Variants in GPC2 observed in about 807,000 individuals in gnomAD.
GPC2 encodes glypican 2.
In GPC2, 42 loss-of-function variants were observed where a neutral mutation model predicts 57.3. The observed-to-expected ratio is 0.73, with a 90% CI of 0.57 to 0.95. GPC2 has a LOEUF of 0.95. GPC2 is among the 40% of genes least tolerant of loss of function. The pLI is 0.00. For synonymous variants in GPC2, 364 were observed against 343.4 expected, an observed-to-expected ratio of 1.06 and a Z score of -0.66; for missense variants, 745 against 793.6, an observed-to-expected ratio of 0.94 and a Z score of 0.74.
intron 3 of GPC2, among the ~76,000 whole-genome samples, 184 bp from the exon 4 acceptor site, chr7:100,174,949 G>GA (rs1799242388): frequency 6.6e-6 from 1 of 151,898 alleles, no homozygotes; most frequent in Non-Finnish European, 1.5e-5. Flanking sequence ...TAGTCTTAAA[G>GA]AAAAACAAAG....
In GPC2 at chr7:100,170,034, A is replaced by T. The variant is rs1799149971; in HGVS notation, c.*196T>A. ...ACCCCCAGGCCCCCCTCCCATTACC[A>T]AATGAAAAAATAAATATTGTGAACA... is the stretch of plus-strand genomic sequence containing the variant. On this transcript the variant is annotated 3_prime_UTR_variant, in exon 10 of 10. Coordinates refer to ENST00000292377, the MANE Select transcript of GPC2 (RefSeq NM_152742.3). 4.8e-6 allele frequency: 2 copies of T among 414,048 alleles called. No individual in the cohort carries two copies. The highest frequency in any genetic ancestry group is 8.5e-6 in the Non-Finnish European group (2 of 234,354). The allele number at this position is 414,048 out of a possible 1,614,324, so 25.6% of individuals were successfully genotyped here.
chr7:100,174,001 G>C lies in GPC2; in HGVS notation c.730-4C>G. ...TGCAGCCTTCAGACACCGGCACCTG[G>C]GGGCAGAGAGTGGGGCTGTGTCCTC... On this transcript the variant is annotated splice_polypyrimidine_tract_variant and splice_region_variant and intron_variant, in intron 4 of 9. Transcript: ENST00000292377. 1 of 1,566,766 alleles carries C rather than the reference G, an allele frequency of 6.4e-7. No individual in the cohort carries two copies. Among genetic ancestry groups the C allele is most frequent in the Non-Finnish European group, 8.6e-7 (1 of 1,157,030 alleles).
At position 100,170,318 on chromosome 7, in the gene GPC2, C is replaced by G. The variant is rs2116980193; in HGVS notation, c.1652G>C (p.Ser551Thr). Residue 551 changes from serine (S) to threonine (T), a missense_variant, in exon 10 of 10, where the codon AGC (serine) becomes ACC (threonine). Physicochemically the swap from Ser to Thr is moderately conservative, Grantham distance 58. Around this residue, in one of 2 missense-constraint regions of GPC2, gnomAD observed 607 missense variants for 603.9 expected, o/e 1.01. Coordinates refer to ENST00000292377, the MANE Select transcript of GPC2 (RefSeq NM_152742.3). ...GGSARYNQGR[S>T]RSGGASIGFH... Reference sequence around the variant, plus strand: ...ACCAATAGATGCCCCCCCACTCCTGCTCCGGCCCTGGTTGTAGCGGGCACT... The same window carrying G: ...ACCAATAGATGCCCCCCCACTCCTGGTCCGGCCCTGGTTGTAGCGGGCACT... 2 of 1,611,456 alleles carry G rather than the reference C, an allele frequency of 1.2e-6. No individual in the cohort carries two copies. Among genetic ancestry groups the G allele is most frequent in the Non-Finnish European group, 1.7e-6 (2 of 1,178,948 alleles).
chr7:100,172,235 AAGAG>A lies in GPC2; in HGVS notation c.893-22_893-19del. 3 of 1,613,176 alleles carry A rather than the reference AAGAG, an allele frequency of 1.9e-6. No individual in the cohort carries two copies. Among genetic ancestry groups the A allele is most frequent in the Middle Eastern group, 1.7e-4 (1 of 6,058 alleles). On this transcript the variant is annotated intron_variant, in intron 5 of 9. Coordinates refer to ENST00000292377, the MANE Select transcript of GPC2 (RefSeq NM_152742.3). ...GAGACCATCTTAAGGGAGGGAGAGA[AAGAG>A]AAAGGATGGGATGAGTGGTGATACT... is the stretch of plus-strand genomic sequence containing the variant.
intron 9 of GPC2, 93 bp from the exon 10 acceptor site, chr7:100,170,576 G>A (rs1799161153): frequency 1.6e-6 from 2 of 1,213,350 alleles, no homozygotes; most frequent in East Asian, 5.7e-5. Flanking sequence ...CAGAAAGAGA[G>A]AGGAAAGGGA....
rs1799331498 is a variant in GPC2, at chr7:100,177,357, C to T, written c.-158G>A. ...TACCGAGCACGATAGCTGGACCAGGCGGCATCTGCCGAGACAATGGGAGCG... is the reference window on the plus strand; with the variant it reads ...TACCGAGCACGATAGCTGGACCAGGTGGCATCTGCCGAGACAATGGGAGCG... On this transcript the variant is annotated 5_prime_UTR_variant, in exon 1 of 10. Transcript: ENST00000292377. 3.4e-6 allele frequency: 2 copies of T among 590,936 alleles called. No individual in the cohort carries two copies. The highest frequency in any genetic ancestry group is 3.4e-5 in the East Asian group (1 of 29,448). 36.6% of individuals were successfully genotyped at this position (590,936 alleles called of 1,614,324 possible).
intron 1 of GPC2, 49 bp downstream of exon 1, chr7:100,176,985 C>T (rs1799305944): frequency 2.3e-6 from 1 of 432,528 alleles, no homozygotes; most frequent in Admixed American, 4.5e-5. Flanking sequence ...GAGGAGGCCC[C>T]GCCCCCGCCC....
chr7:100,173,894 T>G lies in GPC2; in HGVS notation c.833A>C (p.Asn278Thr). The G allele has an allele frequency of 5.6e-6, 9 of 1,604,730 alleles. No homozygotes were observed. The highest frequency in any genetic ancestry group is 7.7e-6 in the Non-Finnish European group (9 of 1,175,744). The change falls in exon 5 of 10, where the codon AAC (asparagine) becomes ACC (threonine). Residue 278 changes from asparagine (N) to threonine (T), a missense_variant. Asn to Thr is a moderately conservative substitution (Grantham distance 65). This residue lies in a region of GPC2 where 607 missense variants were observed against 603.9 expected (regional missense o/e 1.01). Transcript: ENST00000292377. Reference sequence around the variant, plus strand: ...GCTGCTGAGACAGCCACGAACCACGTTGAGGCAGAAGCCCTGGCAGGGCAT... The same window carrying G: ...GCTGCTGAGACAGCCACGAACCACGGTGAGGCAGAAGCCCTGGCAGGGCAT... ...SLMPCQGFCLNVVRGCLSSRG... is the reference protein window; with the variant it reads ...SLMPCQGFCLTVVRGCLSSRG...
At chr7:100,175,031 A>G (rs1398997443) in intron 3 of GPC2, among the ~76,000 whole-genome samples, 1 of 152,216 alleles carries the variant, frequency 6.6e-6, no homozygotes, top group Non-Finnish European at 1.5e-5. Flanking sequence ...TATCGGAACT[A>G]ACACTGAACT....
Position 100,176,228 on chromosome 7 carries a change from C to T in GPC2, c.304G>A (p.Ala102Thr), listed in dbSNP as rs767801145. The change falls in exon 2 of 10, where the codon GCC becomes ACC. Residue 102 changes from alanine to threonine, a missense_variant. By Grantham distance (58) the Ala-to-Thr change is moderately conservative (BLOSUM62 0). Around this residue, in one of 2 missense-constraint regions of GPC2, gnomAD observed 138 missense variants for 189.8 expected, o/e 0.73. Coordinates refer to ENST00000292377, the MANE Select transcript of GPC2 (RefSeq NM_152742.3). ...TCACCATCAAATTTTCTGTGCCTGG[C>T]AGCCAGTGTGTGAACCAGAAAGGAG... Reference protein sequence around the residue: ...SGSFLVHTLAARHRKFDEFFL... With the variant: ...SGSFLVHTLATRHRKFDEFFL... 1 of 1,611,346 alleles carries T rather than the reference C, an allele frequency of 6.2e-7. No homozygotes were observed. Among genetic ancestry groups the T allele is most frequent in the African/African-American group, 1.3e-5 (1 of 74,810 alleles).
Position 100,177,358 on chromosome 7 carries a change from G to T in GPC2, c.-159C>A, listed in dbSNP as rs1248762204. 1 of 595,292 alleles carries T rather than the reference G, an allele frequency of 1.7e-6. No individual in the cohort carries two copies. The allele number at this position is 595,292 out of a possible 1,614,324, so 36.9% of individuals were successfully genotyped here. On this transcript the variant is annotated 5_prime_UTR_variant, in exon 1 of 10. Transcript: ENST00000292377. ...ACCGAGCACGATAGCTGGACCAGGC[G>T]GCATCTGCCGAGACAATGGGAGCGG...
chr7:100,176,994 C>G, intron 1 of GPC2, 40 bp downstream of exon 1: 1 of 292,630 alleles, frequency 3.4e-6, no homozygotes, highest in Non-Finnish European at 6.7e-6. Flanking sequence ...CCGCCCCCGC[C>G]CCCCACCCCC....
chr7:100,175,873 G>A lies in GPC2; in HGVS notation c.347C>T (p.Ser116Leu), dbSNP rs577997658. The change falls in exon 3 of 10, where the codon TCA becomes TTA. Residue 116 changes from serine (S) to leucine (L), a missense_variant. Around this residue, in one of 2 missense-constraint regions of GPC2, gnomAD observed 138 missense variants for 189.8 expected, o/e 0.73. Transcript: ENST00000292377. ...CTGGGTCAGAGAGTGCTGGGCTACT[G>A]AGAGCATCTCCAGAAAAAACTCTGC... is the stretch of plus-strand genomic sequence containing the variant. ...KFDEFFLEMLSVAQHSLTQLF... is the reference protein window; with the variant it reads ...KFDEFFLEMLLVAQHSLTQLF... The A allele has an allele frequency of 6.2e-7, 1 of 1,613,728 alleles. No individual in the cohort carries two copies. The highest frequency in any genetic ancestry group is 2.2e-5 in the East Asian group (1 of 44,874).
chr7:100,172,844 G>C (rs1472660492), intron 5 of GPC2, among the ~76,000 whole-genome samples: 2 of 147,324 alleles, frequency 1.4e-5, no homozygotes, highest in Non-Finnish European at 3.0e-5. Flanking sequence ...TTTTTTTCCG[G>C]TAGAGAAGGG....
Position 100,171,865 on chromosome 7 carries a change from G to T in GPC2, c.1084C>A (p.Pro362Thr). The change falls in exon 7 of 10, where the codon CCC becomes ACC. Residue 362 changes from proline (P) to threonine (T), a missense_variant. Coordinates refer to ENST00000292377, the MANE Select transcript of GPC2 (RefSeq NM_152742.3). The surrounding 1 kb of genome is among the most constrained non-coding windows in gnomAD (Gnocchi z 4.8). ...VPARNRRAPPPREEAGRLWSM... is the reference protein window; with the variant it reads ...VPARNRRAPPTREEAGRLWSM... ...CACAGCCGGCCCGCCTCTTCCCGGGGCGGCGGGGCTCGACGGTTGCGGGCA... is the reference window on the plus strand; with the variant it reads ...CACAGCCGGCCCGCCTCTTCCCGGGTCGGCGGGGCTCGACGGTTGCGGGCA... The T allele has an allele frequency of 6.5e-7, 1 of 1,543,424 alleles. No individual in the cohort carries two copies. The highest frequency in any genetic ancestry group is 8.7e-7 in the Non-Finnish European group (1 of 1,152,770).
At position 100,171,678 on chromosome 7, in the gene GPC2, C is replaced by A; in HGVS notation, c.1171G>T (p.Val391Leu). The change falls in exon 8 of 10, where the codon GTG becomes TTG. Residue 391 changes from valine (V) to leucine (L), a missense_variant and splice_region_variant. By Grantham distance (32) the Val-to-Leu change is conservative. Coordinates refer to ENST00000292377, the MANE Select transcript of GPC2 (RefSeq NM_152742.3). The surrounding 1 kb of genome is among the most constrained non-coding windows in gnomAD (Gnocchi z 4.8). ...GCCAGACGCTCGCGGAGCTCCCACA[C>A]CTGGGCGGGCGAGAGGGGGCGGGGC... ...TAAGTNLHRL[V>L]WELRERLARM... is the part of the protein sequence containing the mutation. 1 of 1,492,790 alleles carries A rather than the reference C, an allele frequency of 6.7e-7. No individual in the cohort carries two copies. Among genetic ancestry groups the A allele is most frequent in the Non-Finnish European group, 8.8e-7 (1 of 1,131,694 alleles). 92.5% of individuals were successfully genotyped at this position (1,492,790 alleles called of 1,614,324 possible).
At chr7:100,176,932 A>T in intron 1 of GPC2, 102 bp downstream of exon 1, 1 of 832,050 alleles carries the variant, frequency 1.2e-6, no homozygotes, top group Non-Finnish European at 1.8e-6. Flanking sequence ...TGAAAAGATT[A>T]GTATAACGGT....
intron 3 of GPC2, 142 bp downstream of exon 3, chr7:100,175,430 C>G: frequency 1.5e-6 from 1 of 665,748 alleles, no homozygotes. Flanking sequence ...TAGGGATCAC[C>G]AGGTCAGAAA....
chr7:100,174,796 C>A, intron 3 of GPC2, 31 bp from the exon 4 acceptor site: 1 of 1,569,064 alleles, frequency 6.4e-7, no homozygotes, highest in Non-Finnish European at 8.8e-7. Context: ...TGAGAAAAAC[C>A]ACAAGGTTGT....
Sources: gnomAD v4.1 joint callset for allele counts (sites outside exome capture counted in the v4.1 genomes callset) on GRCh38, gnomAD v4.1.1 for gene constraint, gnomAD v4.1.1 regional missense constraint, Gnocchi (gnomAD v3.1) non-coding constraint, MANE v1.5 for transcripts, NCBI Gene and HGNC (gene_info 2026-07-23, HGNC 2026-07-21) for gene names.